The following EDIL3 variants were observed in gnomAD, a reference collection of about 807,000 sequenced individuals.
EDIL3 encodes EGF-like repeat and discoidin I-like domain-containing protein 3.
Under a neutral mutation model 67.4 loss-of-function variants are expected in EDIL3, and 37 were observed. The ratio of observed to expected loss-of-function variants is 0.55; its 90% CI spans 0.42 to 0.72. The LOEUF is 0.72. EDIL3 is among the 30% of genes least tolerant of loss of function. The pLI, the probability that EDIL3 is intolerant of heterozygous loss-of-function variation, is 0.00. For missense variants in EDIL3, 527 were observed against 586.3 expected (o/e 0.90, Z 1.04); for synonymous variants, 195 against 196.3 (o/e 0.99, Z 0.05).
At chr5:84,370,208 A>C (rs1165805415) in intron 1 of EDIL3, among the ~76,000 whole-genome samples, 1 of 152,234 alleles carries the variant, frequency 6.6e-6, no homozygotes, top group Non-Finnish European at 1.5e-5. Flanking sequence ...CATTTAAGAA[A>C]GGTAGAAATA....
intron 4 of EDIL3, among the ~76,000 whole-genome samples, chr5:84,149,495 C>T (rs537653792): frequency 6.6e-6 from 1 of 152,188 alleles, no homozygotes; most frequent in East Asian, 1.9e-4. Context: ...TCCCACCTAA[C>T]GAATCTTATA....
intron 1 of EDIL3, among the ~76,000 whole-genome samples, chr5:84,291,612 A>G (rs542349129): frequency 1.3e-5 from 2 of 150,560 alleles, no homozygotes; most frequent in East Asian, 3.9e-4. Context: ...AAGTGAGAAC[A>G]TTCATTATCA....
chr5:84,175,295 A>C (rs772896635), intron 4 of EDIL3, among the ~76,000 whole-genome samples: 3 of 152,212 alleles, frequency 2.0e-5, no homozygotes, highest in Non-Finnish European at 4.4e-5. Context: ...ATTCTAGAAA[A>C]GTATGGAGCT....
chr5:83,990,950 G>A (rs2112159241), intron 9 of EDIL3, among the ~76,000 whole-genome samples: 1 of 151,998 alleles, frequency 6.6e-6, no homozygotes, highest in East Asian at 1.9e-4. Flanking sequence ...TAAGTGCAGA[G>A]CACAGGGCAA....
intron 5 of EDIL3, among the ~76,000 whole-genome samples, chr5:84,121,002 G>T (rs1204956408): frequency 6.6e-6 from 1 of 151,898 alleles, no homozygotes; most frequent in Non-Finnish European, 1.5e-5. Flanking sequence ...GTAGGGAGGG[G>T]ATTACTATAA....
chr5:84,133,906 T>C (rs1349382442), intron 5 of EDIL3, among the ~76,000 whole-genome samples: 4 of 152,024 alleles, frequency 2.6e-5, no homozygotes, highest in East Asian at 1.9e-4. Context: ...ATCAGAAATA[T>C]GTATTATTGC....
chr5:84,287,801 TG>T (rs930810592), intron 1 of EDIL3, among the ~76,000 whole-genome samples: 8 of 152,136 alleles, frequency 5.3e-5, no homozygotes, highest in African/African-American at 1.7e-4. Context: ...ACATTTTCTT[TG>T]ATTTCCCTCC....
chr5:84,326,101 G>A (rs1001718868), intron 1 of EDIL3, among the ~76,000 whole-genome samples: 1 of 151,998 alleles, frequency 6.6e-6, no homozygotes, highest in Non-Finnish European at 1.5e-5. Flanking sequence ...TATTGTAGGC[G>A]TAAGCTTGTT....
At chr5:84,024,736 T>C (rs1265018884) in intron 9 of EDIL3, among the ~76,000 whole-genome samples, 3 of 152,074 alleles carry the variant, frequency 2.0e-5, no homozygotes, top group East Asian at 1.9e-4. Context: ...AATATCAAAA[T>C]ACGGTAGCTC....
chr5:84,112,713 T>C (rs1008549549), intron 5 of EDIL3, among the ~76,000 whole-genome samples: 2 of 152,122 alleles, frequency 1.3e-5, no homozygotes, highest in African/African-American at 4.8e-5. Flanking sequence ...CATCCACATG[T>C]TTATGTGTGC....
chr5:84,377,179 TAGCCGAGCCTGTAGTCCC>T (rs1282620152), intron 1 of EDIL3, among the ~76,000 whole-genome samples: 2 of 151,636 alleles, frequency 1.3e-5, no homozygotes, highest in Non-Finnish European at 2.9e-5. Flanking sequence ...ACAGAAAAAT[TAGCCGAGCCTGTAGTCCC>T]AGCTATTCAG....
intron 9 of EDIL3, among the ~76,000 whole-genome samples, chr5:84,031,688 G>A (rs1638790927): frequency 6.6e-6 from 1 of 152,154 alleles, no homozygotes; most frequent in African/African-American, 2.4e-5. Flanking sequence ...TACCATGCTG[G>A]CACTCTGATC....
chr5:84,057,423 A>T (rs1746469215), intron 9 of EDIL3, among the ~76,000 whole-genome samples: 1 of 151,948 alleles, frequency 6.6e-6, no homozygotes, highest in South Asian at 2.1e-4. Context: ...GCCTTATTCC[A>T]CACAGCATTA....
intron 1 of EDIL3, among the ~76,000 whole-genome samples, chr5:84,362,833 A>G (rs539506757): frequency 6.0e-4 from 92 of 152,308 alleles, no homozygotes; most frequent in Non-Finnish European, 1.2e-3. Context: ...CTCTTGAATT[A>G]TGGGAAATAC....
At position 84,382,407 on chromosome 5, in the gene EDIL3, CAGGCAAGCGCGGCCACAT is replaced by C. The variant is rs372336208; in HGVS notation, c.67+1883_67+1900del. Among the ~76,000 whole-genome samples, 379 of 152,298 alleles carry C rather than the reference CAGGCAAGCGCGGCCACAT, an allele frequency of 2.5e-3. 2 individuals carry two copies. The highest frequency in any genetic ancestry group is 3.9e-3 in the Non-Finnish European group (267 of 68,032). On this transcript the variant is annotated intron_variant, in intron 1 of 10. Coordinates refer to ENST00000296591, the MANE Select transcript of EDIL3 (RefSeq NM_005711.5). Reference sequence around the variant, plus strand: ...CGGGGCTCCCTCAATCAGACCCAGCCAGGCAAGCGCGGCCACATAGGCAAGCGCGGCCACATAGGCTAG... The same window carrying C: ...CGGGGCTCCCTCAATCAGACCCAGCCAGGCAAGCGCGGCCACATAGGCTAG...
intron 9 of EDIL3, among the ~76,000 whole-genome samples, chr5:84,056,698 T>A (rs909327436): frequency 6.6e-6 from 1 of 151,966 alleles, no homozygotes; most frequent in Admixed American, 6.6e-5. Context: ...AAGACATTTT[T>A]TAAAAAAATA....
chr5:84,095,149 A>T (rs72774801), intron 6 of EDIL3, among the ~76,000 whole-genome samples: 9,780 of 152,232 alleles, frequency 0.064, 442 homozygotes, highest in Middle Eastern at 0.13. Flanking sequence ...CCTAAGATTT[A>T]TAAGGAGACG....
intron 1 of EDIL3, among the ~76,000 whole-genome samples, chr5:84,304,418 A>T (rs1746223557): frequency 6.6e-6 from 1 of 152,216 alleles, no homozygotes; most frequent in South Asian, 2.1e-4. Context: ...CATTTCTGTC[A>T]TTTAGCTGAC....
At chr5:84,016,018 T>A (rs1392836268) in intron 9 of EDIL3, among the ~76,000 whole-genome samples, 1 of 152,098 alleles carries the variant, frequency 6.6e-6, no homozygotes, top group East Asian at 1.9e-4. Flanking sequence ...CTAACAGCTA[T>A]CTTTTCTGCT....
Sources: allele counts gnomAD v4.1 joint callset (sites outside exome capture counted in the v4.1 genomes callset), GRCh38; gene constraint gnomAD v4.1.1; transcripts MANE v1.5; gene names NCBI Gene and HGNC (gene_info 2026-07-23, HGNC 2026-07-21).